Variants in TMEM30A observed in about 807,000 individuals in gnomAD.
The protein encoded by TMEM30A is cell cycle control protein 50A.
A neutral mutation model predicts 38.2 loss-of-function variants in TMEM30A; 24 were observed. The observed-to-expected ratio is 0.63, with a 90% confidence interval of 0.46 to 0.88. TMEM30A has a LOEUF of 0.88. Among genes scored for constraint, TMEM30A ranks in the 40% least tolerant of loss-of-function variants. TMEM30A has a pLI of 0.00. For missense variants in TMEM30A, 370 were observed against 458.6 expected (o/e 0.81, Z 1.77); for synonymous variants, 145 against 161.6 (o/e 0.90, Z 0.78).
At chr6:75,260,783 T>G in intron 4 of TMEM30A, 41 bp downstream of exon 4, 1 of 1,237,984 alleles carries the variant, frequency 8.1e-7, no homozygotes, top group East Asian at 2.6e-5. Flanking sequence ...TTATGCAAAT[T>G]GTCCTAATTA....
chr6:75,267,214 G>A (rs2149520970), intron 2 of TMEM30A, among the ~76,000 whole-genome samples: 1 of 152,140 alleles, frequency 6.6e-6, no homozygotes, highest in South Asian at 2.1e-4. Context: ...TTTTTATAAT[G>A]CTTCATATGT....
At chr6:75,277,036 A>T (rs1772273021) in intron 1 of TMEM30A, among the ~76,000 whole-genome samples, 1 of 152,152 alleles carries the variant, frequency 6.6e-6, no homozygotes, top group Non-Finnish European at 1.5e-5. Context: ...TGGCTACCCT[A>T]TTTAAAATTA....
At chr6:75,269,748 G>T (rs550553549) in intron 1 of TMEM30A, among the ~76,000 whole-genome samples, 169 of 152,180 alleles carry the variant, frequency 1.1e-3, no homozygotes, top group African/African-American at 4.0e-3. Context: ...CAGGCAGAGC[G>T]CAGTGGCACA....
Position 75,283,626 on chromosome 6 carries a change from C to A in TMEM30A, c.237+776G>T, listed in dbSNP as rs986056641. 2.6e-5 allele frequency among the ~76,000 whole-genome samples: 4 copies of A among 151,670 alleles called. No homozygotes were observed. In the East Asian group the frequency reaches 7.7e-4, roughly 29 times the overall value. ...TTGGTAGACAGTGCACAACTTACTC[C>A]CTGAGTGTGGTCACTGGCTCTTTTT... is the stretch of plus-strand genomic sequence containing the variant. On this transcript the variant is annotated intron_variant, in intron 1 of 6. Transcript: ENST00000230461.
Position 75,265,127 on chromosome 6 carries a change from A to G in TMEM30A, c.453+104T>C, listed in dbSNP as rs1261408939. 3 of 741,094 alleles carry G rather than the reference A, an allele frequency of 4.0e-6. No homozygotes were observed. The East Asian group carries it at 1.1e-4, about 26-fold the overall frequency. 45.9% of individuals were successfully genotyped at this position (741,094 alleles called of 1,614,324 possible). A position where few individuals can be genotyped will look rare whatever the true frequency, so the allele number is the denominator to read the frequency against. On this transcript the variant is annotated intron_variant, in intron 3 of 6. Coordinates refer to ENST00000230461, the MANE Select transcript of TMEM30A (RefSeq NM_018247.4). Reference sequence around the variant, plus strand: ...GAAAAAAATCCTCACTATACAAACTATAAATGACAACACTTTAATTTCATC... The same window carrying G: ...GAAAAAAATCCTCACTATACAAACTGTAAATGACAACACTTTAATTTCATC...
At chr6:75,277,237 T>C (rs981944539) in intron 1 of TMEM30A, among the ~76,000 whole-genome samples, 1 of 146,548 alleles carries the variant, frequency 6.8e-6, no homozygotes, top group Admixed American at 7.1e-5. Context: ...AGAGGTCAGA[T>C]GGCTAAAGTA....
intron 4 of TMEM30A, among the ~76,000 whole-genome samples, chr6:75,260,490 T>C (rs573629239): frequency 6.6e-6 from 1 of 152,338 alleles, no homozygotes; most frequent in Non-Finnish European, 1.5e-5. Context: ...ATTATATTTC[T>C]ATCAGATAGT....
chr6:75,268,629 T>C (rs185804717), intron 1 of TMEM30A, among the ~76,000 whole-genome samples: 14 of 152,320 alleles, frequency 9.2e-5, no homozygotes, highest in African/African-American at 3.4e-4. Flanking sequence ...TTGCTATATG[T>C]GTCTTCTAGG....
chr6:75,254,739 C>G lies in TMEM30A; in HGVS notation c.*1363G>C, dbSNP rs1216007839. Reference sequence around the variant, plus strand: ...ATGAGTTATTTCAGTAAAAAAACAACAACAAAAAAGCAATTTCAATGTAAT... The same window carrying G: ...ATGAGTTATTTCAGTAAAAAAACAAGAACAAAAAAGCAATTTCAATGTAAT... On this transcript the variant is annotated 3_prime_UTR_variant, in exon 7 of 7. Coordinates refer to ENST00000230461, the MANE Select transcript of TMEM30A (RefSeq NM_018247.4). 1.3e-5 allele frequency: 2 copies of G among 152,158 alleles called. No individual in the cohort carries two copies. The allele number at this position is 152,158 out of a possible 1,614,324, so 9.4% of individuals were successfully genotyped here.
intron 4 of TMEM30A, 48 bp from the exon 5 acceptor site, chr6:75,259,538 A>T: frequency 6.6e-7 from 1 of 1,512,040 alleles, no homozygotes. Flanking sequence ...TTGAAAACTC[A>T]TAGCATCTGC....
intron 3 of TMEM30A, 144 bp from the exon 4 acceptor site, chr6:75,261,055 T>C (rs976501696): frequency 2.2e-5 from 11 of 506,898 alleles, no homozygotes; most frequent in Admixed American, 3.8e-5. Flanking sequence ...AAGTAGGCTA[T>C]AGATAACACC....
At chr6:75,267,556 G>A in intron 2 of TMEM30A, 85 bp downstream of exon 2, 2 of 918,036 alleles carry the variant, frequency 2.2e-6, no homozygotes, top group Non-Finnish European at 3.2e-6. Flanking sequence ...TCTATAAAAG[G>A]AAAATACCTT....
intron 1 of TMEM30A, among the ~76,000 whole-genome samples, chr6:75,277,534 T>C (rs1009542298): frequency 6.6e-6 from 1 of 152,002 alleles, no homozygotes; most frequent in Non-Finnish European, 1.5e-5. Context: ...AGCCCAGGAG[T>C]TTGAGGCTAC....
rs745335539 is a variant in TMEM30A at position 75,256,155 on chromosome 6, C to T, written c.1033G>A (p.Val345Ile). Residue 345 changes from valine (V) to isoleucine (I), a missense_variant, in exon 7 of 7, where the codon GTA becomes ATA. Transcript: ENST00000230461. ...CTGTTTCTATATTTATGATTAATTA[C>T]TAGCAGTACAACTCCCAGAAGGAAG... ...ISFLLGVVLL[V>I]INHKYRNSSN... 6.2e-6 allele frequency: 10 copies of T among 1,612,732 alleles called. No homozygotes were observed. In the South Asian group the frequency reaches 1.1e-4, roughly 18 times the overall value.
chr6:75,276,816 A>G (rs568827436), intron 1 of TMEM30A, among the ~76,000 whole-genome samples: 1 of 152,066 alleles, frequency 6.6e-6, no homozygotes, highest in Non-Finnish European at 1.5e-5. Context: ...AATACTTCCC[A>G]ATACCCTCAT....
At chr6:75,268,215 T>C (rs1772100475) in intron 1 of TMEM30A, among the ~76,000 whole-genome samples, 1 of 152,222 alleles carries the variant, frequency 6.6e-6, no homozygotes, top group Non-Finnish European at 1.5e-5. Context: ...GTGCTGAATT[T>C]GTCTTTGTCT....
chr6:75,264,756 G>C (rs1554194755), intron 3 of TMEM30A, among the ~76,000 whole-genome samples: 1 of 152,062 alleles, frequency 6.6e-6, no homozygotes. Context: ...AAACCAGTCT[G>C]GGCATCAATG....
chr6:75,279,634 A>G (rs1000141936), intron 1 of TMEM30A, among the ~76,000 whole-genome samples: 4 of 152,216 alleles, frequency 2.6e-5, no homozygotes, highest in African/African-American at 9.7e-5. Context: ...ACAGATGTAG[A>G]TGAGCAGATA....
chr6:75,264,131 T>G (rs758679695), intron 3 of TMEM30A, among the ~76,000 whole-genome samples: 61 of 152,308 alleles, frequency 4.0e-4, no homozygotes, highest in African/African-American at 1.4e-3. Flanking sequence ...AATCTTTAAG[T>G]AGACTTGTAT....
Sources: allele counts gnomAD v4.1 joint callset (sites outside exome capture counted in the v4.1 genomes callset), GRCh38; gene constraint gnomAD v4.1.1; transcripts MANE v1.5; gene names NCBI Gene and HGNC (gene_info 2026-07-23, HGNC 2026-07-21).